The following NEGR1 variants were observed in gnomAD, a reference collection of about 807,000 sequenced individuals.
The protein encoded by NEGR1 is IgLON family member 4.
In NEGR1, 10 loss-of-function variants were observed where a neutral mutation model predicts 40.9. The ratio of observed to expected loss-of-function variants is 0.24; its 90% CI spans 0.15 to 0.42. NEGR1 has a LOEUF of 0.42. Among genes scored for constraint, NEGR1 ranks in the 10% least tolerant of loss-of-function variants. The probability of loss-of-function intolerance (pLI) is 1.00; values close to 1 mark genes in which losing one functional copy is unlikely to be tolerated. For missense variants in NEGR1, 352 were observed against 438.9 expected (o/e 0.80, Z 1.77); for synonymous variants, 185 against 166.8 (o/e 1.11, Z -0.84).
chr1:71,591,661 A>G (rs1021671881), intron 6 of NEGR1, among the ~76,000 whole-genome samples: 2 of 152,114 alleles, frequency 1.3e-5, no homozygotes, highest in Non-Finnish European at 2.9e-5. Flanking sequence ...CAAGCATATT[A>G]TACTATAACT....
chr1:72,077,534 A>G (rs1225165927), intron 1 of NEGR1, among the ~76,000 whole-genome samples: 1 of 152,056 alleles, frequency 6.6e-6, no homozygotes, highest in East Asian at 1.9e-4. Flanking sequence ...TCATGCCTGT[A>G]ATCCCAGCAC....
At chr1:71,879,766 A>AT (rs1375097258) in intron 2 of NEGR1, among the ~76,000 whole-genome samples, 1 of 152,036 alleles carries the variant, frequency 6.6e-6, no homozygotes, top group Non-Finnish European at 1.5e-5. Context: ...GGACTGAATA[A>AT]TTTTTTTCCT....
At chr1:72,263,155 T>G (rs575732975) in intron 1 of NEGR1, among the ~76,000 whole-genome samples, 1 of 151,776 alleles carries the variant, frequency 6.6e-6, no homozygotes, top group Non-Finnish European at 1.5e-5. Flanking sequence ...ACTTAAATAT[T>G]ATTAAAAATA....
chr1:71,779,194 G>C (rs920964217), intron 2 of NEGR1, among the ~76,000 whole-genome samples: 5 of 152,138 alleles, frequency 3.3e-5, no homozygotes, highest in Non-Finnish European at 7.3e-5. Flanking sequence ...GGCTTGTGGA[G>C]ACAAAAACAG....
chr1:72,184,589 G>A (rs1652545110), intron 1 of NEGR1, among the ~76,000 whole-genome samples: 1 of 151,988 alleles, frequency 6.6e-6, no homozygotes, highest in South Asian at 2.1e-4. Flanking sequence ...AATGACAGAA[G>A]AAGATGATTA....
chr1:72,280,385 A>T (rs1656201912), intron 1 of NEGR1, among the ~76,000 whole-genome samples: 1 of 152,224 alleles, frequency 6.6e-6, no homozygotes. Context: ...GGAAATGGTA[A>T]TGCTCACTAC....
intron 3 of NEGR1, among the ~76,000 whole-genome samples, chr1:71,711,518 C>A (rs1377787303): frequency 1.4e-5 from 2 of 147,760 alleles, no homozygotes; most frequent in African/African-American, 5.0e-5. Context: ...TGTTAGGAAG[C>A]AGAATAACTT....
chr1:71,642,261 G>T (rs1336929275), intron 4 of NEGR1, among the ~76,000 whole-genome samples: 1 of 151,844 alleles, frequency 6.6e-6, no homozygotes, highest in Non-Finnish European at 1.5e-5. Context: ...GAATAAAAGT[G>T]CTTAAGCCAA....
At chr1:72,182,268 C>T (rs1411317919) in intron 1 of NEGR1, among the ~76,000 whole-genome samples, 5 of 152,168 alleles carry the variant, frequency 3.3e-5, no homozygotes, top group South Asian at 4.1e-4. Flanking sequence ...CCGAGGCAGG[C>T]GGGTCACTTG....
intron 2 of NEGR1, among the ~76,000 whole-genome samples, chr1:71,796,481 GA>G (rs1426502958): frequency 6.6e-6 from 1 of 152,140 alleles, no homozygotes; most frequent in Admixed American, 6.6e-5. Flanking sequence ...AAATAATCTA[GA>G]AAAATGGAGT....
At chr1:72,050,957 T>A (rs1179417983) in intron 1 of NEGR1, among the ~76,000 whole-genome samples, 1 of 151,474 alleles carries the variant, frequency 6.6e-6, no homozygotes, top group African/African-American at 2.4e-5. Context: ...TATTCCCCAG[T>A]CCAATCAAGC....
At chr1:71,755,448 C>T (rs1655701173) in intron 3 of NEGR1, among the ~76,000 whole-genome samples, 1 of 152,190 alleles carries the variant, frequency 6.6e-6, no homozygotes, top group African/African-American at 2.4e-5. Flanking sequence ...CTTTCTATAG[C>T]TTCCTTTTGC....
intron 6 of NEGR1, among the ~76,000 whole-genome samples, chr1:71,489,101 T>C (rs1176205456): frequency 6.6e-6 from 1 of 151,708 alleles, no homozygotes; most frequent in Non-Finnish European, 1.5e-5. Flanking sequence ...TTGTATGTAG[T>C]CTTGGTGGAC....
chr1:71,772,372 C>T (rs1285245113), intron 3 of NEGR1, among the ~76,000 whole-genome samples: 2 of 151,692 alleles, frequency 1.3e-5, no homozygotes, highest in African/African-American at 4.9e-5. Context: ...CCACTGCACT[C>T]TAGTCTAGGC....
intron 6 of NEGR1, among the ~76,000 whole-genome samples, chr1:71,535,492 T>A (rs975244049): frequency 5.9e-5 from 9 of 151,740 alleles, no homozygotes; most frequent in Non-Finnish European, 8.8e-5. Flanking sequence ...CATAAAAAAT[T>A]ATGTTGCGTG....
chr1:71,447,285 T>G lies in NEGR1; in HGVS notation c.941-39715A>C, dbSNP rs536145571. On this transcript the variant is annotated intron_variant, in intron 6 of 6. Transcript: ENST00000357731. ...AATTGTCTTCCAAGAAACCGGTTCC[T>G]GGTGCCAAAAAAAATTGGGGACCCT... Among the ~76,000 whole-genome samples the G allele has an allele frequency of 2.6e-5, 4 of 152,230 alleles. No homozygotes were observed. The East Asian group carries it at 7.7e-4, about 29-fold the overall frequency.
rs146604624 is a variant in NEGR1, at chr1:72,178,683, G to A, written c.176+103636C>T. ...CGTTCCCTTTTCTGCAACCTTGCCA[G>A]CGTCTGTTTTTTTTTGTTTGTTTGT... On this transcript the variant is annotated intron_variant, in intron 1 of 6. Coordinates refer to ENST00000357731, the MANE Select transcript of NEGR1 (RefSeq NM_173808.3). Among the ~76,000 whole-genome samples, 860 of 151,250 alleles carry A rather than the reference G, an allele frequency of 5.7e-3. 8 individuals carry two copies. The Middle Eastern group carries it at 0.058, about 10-fold the overall frequency.
chr1:71,900,083 A>G (rs1661103634), intron 2 of NEGR1, among the ~76,000 whole-genome samples: 1 of 152,212 alleles, frequency 6.6e-6, no homozygotes, highest in African/African-American at 2.4e-5. Flanking sequence ...CCAGCCAAAA[A>G]ATACAGTATA....
chr1:72,254,700 TA>T (rs5775112), intron 1 of NEGR1, among the ~76,000 whole-genome samples: 53,082 of 106,494 alleles, frequency 0.5, 11,328 homozygotes, highest in African/African-American at 0.54. Context: ...AGACTCTGTC[TA>T]AAAAAAAAAA....
Sources: gnomAD v4.1 joint callset for allele counts (sites outside exome capture counted in the v4.1 genomes callset) on GRCh38, gnomAD v4.1.1 for gene constraint, MANE v1.5 for transcripts, NCBI Gene and HGNC (gene_info 2026-07-23, HGNC 2026-07-21) for gene names.